The following STAG1 variants were observed in gnomAD, a reference collection of about 807,000 sequenced individuals.
STAG1 encodes STAG1 cohesin complex component.
Under a neutral mutation model 170.9 loss-of-function variants are expected in STAG1, and 26 were observed. The ratio of observed to expected loss-of-function variants is 0.15; its 90% confidence interval spans 0.11 to 0.21. The LOEUF (loss-of-function observed/expected upper bound fraction) is 0.21, where lower values mean the gene tolerates loss of function less well. Among genes scored for constraint, STAG1 ranks in the 10% least tolerant of loss-of-function variants. The pLI is 1.00. For missense variants in STAG1, 964 were observed against 1,509.5 expected, an observed-to-expected ratio of 0.64 and a Z score of 5.99; for synonymous variants, 514 against 497.7, an observed-to-expected ratio of 1.03 and a Z score of -0.44.
At chr3:136,546,280 C>T (rs747085816) in intron 5 of STAG1, among the ~76,000 whole-genome samples, 4 of 152,142 alleles carry the variant, frequency 2.6e-5, no homozygotes, top group Admixed American at 2.0e-4. Flanking sequence ...AGTTCTATTA[C>T]GACTATTAAT....
chr3:136,677,985 C>A (rs1942192130), intron 1 of STAG1, among the ~76,000 whole-genome samples: 2 of 147,098 alleles, frequency 1.4e-5, no homozygotes, highest in African/African-American at 5.0e-5. Context: ...TTCTCAACAG[C>A]AACAATACCT....
intron 4 of STAG1, among the ~76,000 whole-genome samples, chr3:136,570,695 T>C (rs1219528721): frequency 1.3e-5 from 2 of 152,234 alleles, no homozygotes; most frequent in East Asian, 1.9e-4. Context: ...ATGCTCTACA[T>C]CCTCACCCAA....
chr3:136,435,853 A>G (rs1292249334), intron 15 of STAG1, among the ~76,000 whole-genome samples: 2 of 151,798 alleles, frequency 1.3e-5, no homozygotes, highest in Non-Finnish European at 2.9e-5. Context: ...TAGTTTTAGT[A>G]GAGACGGGGT....
intron 7 of STAG1, among the ~76,000 whole-genome samples, chr3:136,516,504 A>C (rs1299659595): frequency 6.6e-6 from 1 of 152,074 alleles, no homozygotes; most frequent in African/African-American, 2.4e-5. Flanking sequence ...TGAGAATCAG[A>C]AAATAAACAT....
intron 7 of STAG1, among the ~76,000 whole-genome samples, chr3:136,507,717 A>AT (rs766025107): frequency 2.6e-5 from 4 of 152,122 alleles, no homozygotes; most frequent in Non-Finnish European, 5.9e-5. Context: ...ACTCATCACT[A>AT]TTTTTTAATA....
chr3:136,663,215 TATG>T (rs954399785), intron 1 of STAG1, among the ~76,000 whole-genome samples: 6 of 152,160 alleles, frequency 3.9e-5, no homozygotes, highest in African/African-American at 1.4e-4. Flanking sequence ...TGAGTATAGT[TATG>T]ATGATGATGT....
intron 1 of STAG1, among the ~76,000 whole-genome samples, chr3:136,667,873 T>C (rs1265242008): frequency 2.0e-5 from 3 of 152,122 alleles, no homozygotes; most frequent in African/African-American, 7.2e-5. Flanking sequence ...CACCTGGTTG[T>C]GTGTCAGTTC....
intron 1 of STAG1, among the ~76,000 whole-genome samples, chr3:136,647,264 A>T (rs1470055540): frequency 6.6e-6 from 1 of 152,148 alleles, no homozygotes; most frequent in East Asian, 1.9e-4. Context: ...TGGTTATTTA[A>T]AAATGAAATA....
intron 13 of STAG1, among the ~76,000 whole-genome samples, chr3:136,455,476 G>T (rs969134957): frequency 6.6e-6 from 1 of 152,196 alleles, no homozygotes; most frequent in Non-Finnish European, 1.5e-5. Flanking sequence ...GCTGGTCTGG[G>T]CATCTTTGCA....
At chr3:136,716,004 AAG>A (rs1365708642) in intron 1 of STAG1, among the ~76,000 whole-genome samples, 1 of 152,168 alleles carries the variant, frequency 6.6e-6, no homozygotes, top group Non-Finnish European at 1.5e-5. Context: ...AGGCTGAAGC[AAG>A]AGAATTGCTT....
intron 4 of STAG1, among the ~76,000 whole-genome samples, chr3:136,589,658 C>T (rs1308764285): frequency 1.6e-5 from 2 of 126,146 alleles, no homozygotes; most frequent in African/African-American, 6.3e-5. Context: ...AAGCCAAATG[C>T]AGTGGCTCAC....
chr3:136,691,040 G>A (rs948923294), intron 1 of STAG1, among the ~76,000 whole-genome samples: 1 of 151,754 alleles, frequency 6.6e-6, no homozygotes, highest in East Asian at 1.9e-4. Context: ...GCTCAAGCCT[G>A]CAATCCCAAC....
intron 22 of STAG1, among the ~76,000 whole-genome samples, chr3:136,391,061 G>C (rs2086996165): frequency 6.6e-6 from 1 of 152,182 alleles, no homozygotes; most frequent in African/African-American, 2.4e-5. Context: ...CTTTAGTCAA[G>C]ACAGTGATGG....
chr3:136,515,047 A>G (rs988335757), intron 7 of STAG1, among the ~76,000 whole-genome samples: 2 of 151,970 alleles, frequency 1.3e-5, no homozygotes, highest in Non-Finnish European at 2.9e-5. Flanking sequence ...GTACCCTAGA[A>G]CTTAAAGTAT....
intron 7 of STAG1, chr3:136,518,555 G>A (rs1234938899): frequency 3.4e-6 from 2 of 595,560 alleles, no homozygotes; most frequent in Admixed American, 2.6e-5. Context: ...TAAGTTCTCA[G>A]CAAGCCCTCT....
At chr3:136,541,386 C>T (rs1935891226) in intron 6 of STAG1, among the ~76,000 whole-genome samples, 1 of 152,054 alleles carries the variant, frequency 6.6e-6, no homozygotes, top group Admixed American at 6.6e-5. Flanking sequence ...GGAAATGTTT[C>T]TGCATTTACA....
intron 1 of STAG1, chr3:136,736,853 T>G (rs1203779992): frequency 1.3e-6 from 2 of 1,583,180 alleles, no homozygotes; most frequent in South Asian, 2.2e-5. Context: ...TCTTTCACAG[T>G]GTGGTCAACG....
chr3:136,452,721 T>G (rs894142158), intron 13 of STAG1, among the ~76,000 whole-genome samples: 3 of 152,146 alleles, frequency 2.0e-5, no homozygotes, highest in African/African-American at 7.2e-5. Context: ...AATGTTCAAA[T>G]ATGTGTGAAA....
intron 12 of STAG1, among the ~76,000 whole-genome samples, chr3:136,471,707 G>T (rs1477086459): frequency 6.6e-6 from 1 of 151,970 alleles, no homozygotes; most frequent in Non-Finnish European, 1.5e-5. Flanking sequence ...TTATTATTTT[G>T]AAATCTCTAT....
Sources: gnomAD v4.1 joint callset for allele counts (sites outside exome capture counted in the v4.1 genomes callset) on GRCh38, gnomAD v4.1.1 for gene constraint, MANE v1.5 for transcripts, NCBI Gene and HGNC (gene_info 2026-07-23, HGNC 2026-07-21) for gene names.